Variants in AGPS observed in about 807,000 individuals in gnomAD.
The protein encoded by AGPS is alkylglycerone phosphate synthase.
A neutral mutation model predicts 90.7 loss-of-function variants in AGPS; 26 were observed. The ratio of observed to expected loss-of-function variants is 0.29; its 90% CI spans 0.21 to 0.40. The LOEUF is 0.40. Among genes scored for constraint, AGPS ranks in the 10% least tolerant of loss-of-function variants. The pLI is 1.00. For synonymous variants in AGPS, 294 were observed against 285.3 expected, an observed-to-expected ratio of 1.03 and a Z score of -0.31; for missense variants, 540 against 816.1, an observed-to-expected ratio of 0.66 and a Z score of 4.12.
At chr2:177,431,476 G>A (rs1044116208) in intron 2 of AGPS, among the ~76,000 whole-genome samples, 1 of 152,100 alleles carries the variant, frequency 6.6e-6, no homozygotes, top group African/African-American at 2.4e-5. Flanking sequence ...ACCAGAGCGG[G>A]ATCTTTTCCC....
intron 8 of AGPS, among the ~76,000 whole-genome samples, chr2:177,450,975 T>TATATATATATATATATATATATATA (rs1434749270): frequency 1.8e-4 from 24 of 136,572 alleles, no homozygotes; most frequent in African/African-American, 6.4e-4. Flanking sequence ...TATATATATA[T>TATATATATATATATATATATATATA]TTTAGAGACA....
intron 19 of AGPS, among the ~76,000 whole-genome samples, chr2:177,530,781 G>A (rs920521890): frequency 6.6e-6 from 1 of 152,180 alleles, no homozygotes; most frequent in Non-Finnish European, 1.5e-5. Context: ...ATGTAGTCTG[G>A]AACTGGAGGC....
chr2:177,393,414 T>C, intron 1 of AGPS: 8 of 985,452 alleles, frequency 8.1e-6, no homozygotes, highest in Non-Finnish European at 9.6e-6. Flanking sequence ...GGTTCTATTT[T>C]TCTCCGAGGA....
intron 1 of AGPS, among the ~76,000 whole-genome samples, chr2:177,418,780 T>A (rs1440121509): frequency 6.6e-6 from 1 of 150,938 alleles, no homozygotes; most frequent in Non-Finnish European, 1.5e-5. Flanking sequence ...TATGGTTCAA[T>A]CCCAAGTTTT....
chr2:177,522,480 C>T lies in AGPS; in HGVS notation c.1797+1112C>T, dbSNP rs1208378290. On this transcript the variant is annotated intron_variant, in intron 18 of 19. Transcript: ENST00000264167. ...TGAGGGTTTTTTGGAGATGAAGTCT[C>T]ACTCTGTTGCCCAGGCTGGAGTGCA... Among the ~76,000 whole-genome samples, 22 of 152,124 alleles carry T rather than the reference C, an allele frequency of 1.4e-4. 1 individual carries two copies. Among genetic ancestry groups the T allele is most frequent in the Admixed American group, 1.4e-3 (22 of 15,270 alleles).
At chr2:177,537,246 G>A (rs373619443) in intron 19 of AGPS, among the ~76,000 whole-genome samples, 1 of 152,106 alleles carries the variant, frequency 6.6e-6, no homozygotes, top group Non-Finnish European at 1.5e-5. Flanking sequence ...TCTTACAAAA[G>A]TTCTACTTAC....
chr2:177,538,427 C>T lies in AGPS; in HGVS notation c.*232C>T, dbSNP rs960040297. 1 of 530,862 alleles carries T rather than the reference C, an allele frequency of 1.9e-6. No individual in the cohort carries two copies. Among genetic ancestry groups the T allele is most frequent in the Non-Finnish European group, 3.3e-6 (1 of 302,804 alleles). 32.9% of individuals were successfully genotyped at this position (530,862 alleles called of 1,614,324 possible). A position where few individuals can be genotyped will look rare whatever the true frequency, so the allele number is the denominator to read the frequency against. ...ACATCATTTTACATTCAGCGGTTGT[C>T]ATTTCAAATTTTAGTCAGGCAGCAC... On this transcript the variant is annotated 3_prime_UTR_variant, in exon 20 of 20. Coordinates refer to ENST00000264167, the MANE Select transcript of AGPS (RefSeq NM_003659.4).
chr2:177,524,865 A>G (rs2079067703), intron 19 of AGPS, among the ~76,000 whole-genome samples: 1 of 152,174 alleles, frequency 6.6e-6, no homozygotes, highest in Non-Finnish European at 1.5e-5. Context: ...GGAGTGGACT[A>G]TGGAAGGTGT....
chr2:177,532,944 A>G (rs2079151183), intron 19 of AGPS, among the ~76,000 whole-genome samples: 1 of 152,006 alleles, frequency 6.6e-6, no homozygotes, highest in Non-Finnish European at 1.5e-5. Context: ...TCTTAAGAGT[A>G]AAAAAAAGAT....
At chr2:177,457,042 T>G (rs139490697) in intron 8 of AGPS, among the ~76,000 whole-genome samples, 9,460 of 152,198 alleles carry the variant, frequency 0.062, 403 homozygotes, top group Middle Eastern at 0.1. Context: ...AGAAACTCAC[T>G]CAAAACCGCA....
chr2:177,527,655 A>T (rs2079100872), intron 19 of AGPS, among the ~76,000 whole-genome samples: 1 of 152,160 alleles, frequency 6.6e-6, no homozygotes, highest in Admixed American at 6.5e-5. Context: ...AATGGCGGTC[A>T]TATCATGTTA....
At chr2:177,479,319 C>A (rs187546510) in intron 10 of AGPS, among the ~76,000 whole-genome samples, 1 of 152,166 alleles carries the variant, frequency 6.6e-6, no homozygotes, top group Non-Finnish European at 1.5e-5. Context: ...CACTACCTCC[C>A]AGCTGCACTC....
intron 9 of AGPS, among the ~76,000 whole-genome samples, chr2:177,465,473 CT>C (rs1460806850): frequency 1.3e-5 from 2 of 152,204 alleles, no homozygotes; most frequent in African/African-American, 4.8e-5. Context: ...CCCACTCGGC[CT>C]GGCAGGCTGT....
chr2:177,536,090 T>A (rs913523925), intron 19 of AGPS, among the ~76,000 whole-genome samples: 1 of 152,148 alleles, frequency 6.6e-6, no homozygotes, highest in Non-Finnish European at 1.5e-5. Context: ...ATGCAATGGC[T>A]GTTGGGTGGC....
intron 1 of AGPS, among the ~76,000 whole-genome samples, chr2:177,408,415 A>G (rs1402620395): frequency 6.6e-6 from 1 of 152,236 alleles, no homozygotes; most frequent in Non-Finnish European, 1.5e-5. Flanking sequence ...TTATAAACAT[A>G]CATGAACTAG....
chr2:177,520,202 G>C (rs1322039612), intron 17 of AGPS, among the ~76,000 whole-genome samples: 1 of 152,112 alleles, frequency 6.6e-6, no homozygotes, highest in African/African-American at 2.4e-5. Flanking sequence ...ACTTAGAATG[G>C]CTTAACCCTC....
intron 1 of AGPS, among the ~76,000 whole-genome samples, chr2:177,411,978 A>G (rs771298590): frequency 4.6e-5 from 7 of 152,114 alleles, no homozygotes; most frequent in African/African-American, 4.8e-5. Context: ...GGCCCTGGCA[A>G]GTTGGTGGGG....
chr2:177,500,882 A>G (rs1339738922), intron 14 of AGPS, among the ~76,000 whole-genome samples: 1 of 152,136 alleles, frequency 6.6e-6, no homozygotes, highest in East Asian at 1.9e-4. Flanking sequence ...CTTGAATTTC[A>G]GGTCATCTCA....
intron 17 of AGPS, among the ~76,000 whole-genome samples, chr2:177,516,908 T>C (rs1689036717): frequency 6.6e-6 from 1 of 152,136 alleles, no homozygotes; most frequent in African/African-American, 2.4e-5. Flanking sequence ...ACTTAAAATG[T>C]AAATATTCAA....
Sources: gnomAD v4.1 joint callset for allele counts (sites outside exome capture counted in the v4.1 genomes callset) on GRCh38, gnomAD v4.1.1 for gene constraint, MANE v1.5 for transcripts, NCBI Gene and HGNC (gene_info 2026-07-23, HGNC 2026-07-21) for gene names.